Variants in SYN3 observed in about 807,000 individuals in gnomAD.
SYN3 encodes the protein synapsin-3.
SYN3 carries 35 observed loss-of-function variants against 65.8 expected under a neutral mutation model. That is an observed-to-expected ratio of 0.53 (90% CI 0.41 to 0.70). The LOEUF (loss-of-function observed/expected upper bound fraction) is 0.70, where lower values mean the gene tolerates loss of function less well. Among genes scored for constraint, SYN3 ranks in the 30% least tolerant of loss-of-function variants. The pLI is 0.00. For synonymous variants in SYN3, 270 were observed against 292.9 expected (o/e 0.92, Z 0.80); for missense variants, 680 against 749.0 (o/e 0.91, Z 1.08).
intron 6 of SYN3, among the ~76,000 whole-genome samples, chr22:32,652,694 G>C (rs2060089734): frequency 6.6e-6 from 1 of 152,150 alleles, no homozygotes; most frequent in African/African-American, 2.4e-5. Context: ...AATGTCAGAG[G>C]AAGTGATGTC....
chr22:32,860,240 G>A (rs1450905628), intron 6 of SYN3: 1 of 152,334 alleles, frequency 6.6e-6, no homozygotes, highest in Non-Finnish European at 1.5e-5. Context: ...CGCTTTGGTA[G>A]ATTTGGCCAG....
intron 6 of SYN3, among the ~76,000 whole-genome samples, chr22:32,758,162 A>G (rs1191160949): frequency 2.0e-5 from 3 of 152,190 alleles, no homozygotes; most frequent in African/African-American, 7.2e-5. Context: ...AATAGTATTT[A>G]GGTTGGGGAT....
chr22:32,551,438 G>A (rs776575910), intron 7 of SYN3, among the ~76,000 whole-genome samples: 11 of 151,650 alleles, frequency 7.3e-5, no homozygotes, highest in Non-Finnish European at 1.3e-4. Flanking sequence ...GGTGATAGAG[G>A]AACAACATGG....
chr22:32,597,487 G>A (rs934620103), intron 6 of SYN3, among the ~76,000 whole-genome samples: 8 of 152,082 alleles, frequency 5.3e-5, no homozygotes, highest in South Asian at 2.1e-4. Flanking sequence ...AAGTGCTGGG[G>A]TTACAGGTGT....
At chr22:32,614,971 C>CA (rs10719539) in intron 6 of SYN3, among the ~76,000 whole-genome samples, 22,681 of 146,952 alleles carry the variant, frequency 0.15, 4,282 homozygotes, top group African/African-American at 0.45. Context: ...ACAAATGTTC[C>CA]AAAAAAAAAA....
chr22:32,608,721 G>A (rs931532483), intron 6 of SYN3, among the ~76,000 whole-genome samples: 2 of 152,148 alleles, frequency 1.3e-5, no homozygotes, highest in African/African-American at 4.8e-5. Flanking sequence ...GATATCCTTG[G>A]CAAGTTTCTT....
intron 2 of SYN3, among the ~76,000 whole-genome samples, chr22:32,987,535 A>C (rs1386010921): frequency 6.6e-6 from 1 of 152,194 alleles, no homozygotes; most frequent in Non-Finnish European, 1.5e-5. Flanking sequence ...TCAGTCCTCC[A>C]TGCAATTAGC....
At chr22:32,971,742 G>T (rs1382296343) in intron 3 of SYN3, among the ~76,000 whole-genome samples, 2 of 152,196 alleles carry the variant, frequency 1.3e-5, no homozygotes, top group African/African-American at 2.4e-5. Flanking sequence ...TTATAAATGT[G>T]TTCTCTTAGG....
At chr22:32,977,849 T>G (rs1393027296) in intron 3 of SYN3, among the ~76,000 whole-genome samples, 2 of 152,140 alleles carry the variant, frequency 1.3e-5, no homozygotes, top group Non-Finnish European at 2.9e-5. Flanking sequence ...TTTCCTTCAG[T>G]TCTCTTTTGT....
intron 6 of SYN3, among the ~76,000 whole-genome samples, chr22:32,669,961 G>T (rs2060338484): frequency 6.6e-6 from 1 of 152,198 alleles, no homozygotes; most frequent in Non-Finnish European, 1.5e-5. Flanking sequence ...AGAATGCAAT[G>T]AAAGCAACAA....
At chr22:32,972,647 C>G (rs2052054458) in intron 3 of SYN3, among the ~76,000 whole-genome samples, 1 of 152,122 alleles carries the variant, frequency 6.6e-6, no homozygotes, top group Non-Finnish European at 1.5e-5. Context: ...GAAGCTTCAC[C>G]AACAACTATA....
chr22:32,761,313 G>A (rs2045473793), intron 6 of SYN3, among the ~76,000 whole-genome samples: 1 of 152,198 alleles, frequency 6.6e-6, no homozygotes, highest in Non-Finnish European at 1.5e-5. Flanking sequence ...TGAGGAGCAG[G>A]AGCCCAGGGA....
At chr22:32,833,165 G>A (rs200613326) in intron 6 of SYN3, among the ~76,000 whole-genome samples, 4 of 152,100 alleles carry the variant, frequency 2.6e-5, no homozygotes, top group Admixed American at 1.3e-4. Context: ...TATACTGATC[G>A]GTGGCTCCTG....
chr22:32,621,305 T>G (rs1231858571), intron 6 of SYN3, among the ~76,000 whole-genome samples: 1 of 151,630 alleles, frequency 6.6e-6, no homozygotes, highest in Non-Finnish European at 1.5e-5. Flanking sequence ...GCCTTTTTTT[T>G]TTTTTTTTCC....
At chr22:32,665,594 A>G (rs1302219524) in intron 6 of SYN3, among the ~76,000 whole-genome samples, 1 of 151,806 alleles carries the variant, frequency 6.6e-6, no homozygotes, top group Non-Finnish European at 1.5e-5. Context: ...TGCAATCGCG[A>G]ATTTTTAGCA....
chr22:32,749,129 G>A (rs1046445219), intron 6 of SYN3, among the ~76,000 whole-genome samples: 3 of 152,226 alleles, frequency 2.0e-5, no homozygotes, highest in East Asian at 1.9e-4. Context: ...TAAGGTGTTG[G>A]CAAATTTGGT....
rs1249169111 is a variant in SYN3, at chr22:33,050,438, T to C, written c.-163+7854A>G. Among the ~76,000 whole-genome samples the C allele has an allele frequency of 2.1e-5, 3 of 142,220 alleles. No homozygotes were observed. In the Admixed American group the frequency reaches 2.3e-4, roughly 11 times the overall value. 93.3% of individuals were successfully genotyped at this position (142,220 alleles called of 152,430 possible). A position where few individuals can be genotyped will look rare whatever the true frequency, so the allele number is the denominator to read the frequency against. ...TGGAGGTTGCAGTGAGCTGAGATCA[T>C]GCCACCGCACTCCAGCCTGGGTGAC... On this transcript the variant is annotated intron_variant, in intron 1 of 13. Coordinates refer to ENST00000358763, the MANE Select transcript of SYN3 (RefSeq NM_003490.4).
intron 6 of SYN3, among the ~76,000 whole-genome samples, chr22:32,653,290 C>T (rs1375345990): frequency 6.6e-6 from 1 of 151,782 alleles, no homozygotes; most frequent in Non-Finnish European, 1.5e-5. Context: ...GTATGATGGG[C>T]CAAGATGATG....
chr22:32,982,099 T>G lies in SYN3; in HGVS notation c.312-1397A>C, dbSNP rs1201405204. On this transcript the variant is annotated intron_variant, in intron 2 of 13. Transcript: ENST00000358763. ...TTAACATTAAAAATGTTATGGCATT[T>G]TAACTCTCAACAAAAATCAATGTTT... is the stretch of plus-strand genomic sequence containing the variant. Among the ~76,000 whole-genome samples the G allele has an allele frequency of 7.9e-5, 12 of 152,346 alleles. No individual in the cohort carries two copies. In the East Asian group the frequency reaches 1.9e-3, roughly 24 times the overall value.
Sources: allele counts gnomAD v4.1 joint callset (sites outside exome capture counted in the v4.1 genomes callset), GRCh38; gene constraint gnomAD v4.1.1; transcripts MANE v1.5; gene names NCBI Gene and HGNC (gene_info 2026-07-23, HGNC 2026-07-21).